The following ZNRF2 variants were observed in gnomAD, a reference collection of about 807,000 sequenced individuals.
ZNRF2 encodes E3 ubiquitin-protein ligase ZNRF2.
A neutral mutation model predicts 20.4 loss-of-function variants in ZNRF2; 16 were observed. That is an observed-to-expected ratio of 0.79 (90% CI 0.53 to 1.19). The LOEUF (loss-of-function observed/expected upper bound fraction) is 1.19. Ranked by LOEUF, ZNRF2 falls within the 50% of genes most tolerant of loss-of-function variation. The pLI is 0.00. For missense variants in ZNRF2, 363 were observed against 332.4 expected (o/e 1.09, Z -0.72); for synonymous variants, 178 against 144.9 (o/e 1.23, Z -1.64).
At chr7:30,343,370 C>CA (rs1230252318) in intron 2 of ZNRF2, among the ~76,000 whole-genome samples, 1 of 152,122 alleles carries the variant, frequency 6.6e-6, no homozygotes, top group Non-Finnish European at 1.5e-5. Flanking sequence ...TCCTAGATGA[C>CA]AGAGACCCTG....
In ZNRF2 at chr7:30,339,222, G is replaced by A. The variant is rs189013189; in HGVS notation, c.565+15485G>A. Among the ~76,000 whole-genome samples the A allele has an allele frequency of 7.2e-3, 1,102 of 152,270 alleles. 4 individuals are homozygous for A. Among genetic ancestry groups the A allele is most frequent in the Non-Finnish European group, 0.011 (734 of 68,012 alleles). On this transcript the variant is annotated intron_variant, in intron 2 of 4. Transcript: ENST00000323037. ...TTTTCTCCCATTCTATAGGTTGCCT[G>A]TTCACTCTGATGATAGTTTCTTTTG...
chr7:30,338,603 A>C (rs1407408597), intron 2 of ZNRF2, among the ~76,000 whole-genome samples: 7 of 152,062 alleles, frequency 4.6e-5, no homozygotes, highest in Non-Finnish European at 1.5e-5. Context: ...AAGGACATGA[A>C]GTCATCCTTT....
At chr7:30,325,879 C>T (rs1799543024) in intron 2 of ZNRF2, among the ~76,000 whole-genome samples, 2 of 152,160 alleles carry the variant, frequency 1.3e-5, no homozygotes, top group South Asian at 4.1e-4. Context: ...AAAGTGTTCT[C>T]ATTCAAAATT....
chr7:30,310,748 G>T (rs1799279270), intron 1 of ZNRF2, among the ~76,000 whole-genome samples: 1 of 152,146 alleles, frequency 6.6e-6, no homozygotes, highest in Admixed American at 6.5e-5. Context: ...ATACCTTGAG[G>T]ATGACCCTGT....
Position 30,285,529 on chromosome 7 carries a change from C to G in ZNRF2, c.172C>G (p.Gln58Glu). The change falls in exon 1 of 5, where the codon CAG becomes GAG. Residue 58 changes from glutamine to glutamate, a missense_variant. By Grantham distance (29) the Gln-to-Glu change is conservative (BLOSUM62 2). This residue lies in a region of ZNRF2 where 302 missense variants were observed against 231.5 expected (regional missense o/e 1.30). Transcript: ENST00000323037. The stretch of plus-strand genomic sequence containing the variant: ...CCCGGCTCAGGTGCCCAGCGCGCAC[C>G]AGCCCAGCGCCTCCGGCGGCGCCGC... ...RFPAQVPSAHQPSASGGAAAA... is the reference protein window; with the variant it reads ...RFPAQVPSAHEPSASGGAAAA... 1.0e-6 allele frequency: 1 copy of G among 994,916 alleles called. No homozygotes were observed. The highest frequency in any genetic ancestry group is 1.2e-6 in the Non-Finnish European group (1 of 838,592). 61.6% of individuals were successfully genotyped at this position (994,916 alleles called of 1,614,324 possible).
At chr7:30,287,905 C>T (rs1798822126) in intron 1 of ZNRF2, among the ~76,000 whole-genome samples, 1 of 152,154 alleles carries the variant, frequency 6.6e-6, no homozygotes, top group South Asian at 2.1e-4. Context: ...GATGAGGAAC[C>T]TCAGTTGAGA....
At chr7:30,304,029 G>A (rs1799159496) in intron 1 of ZNRF2, among the ~76,000 whole-genome samples, 1 of 152,250 alleles carries the variant, frequency 6.6e-6, no homozygotes, top group Non-Finnish European at 1.5e-5. Flanking sequence ...TGCCTGGGTA[G>A]TGGTGGTAAG....
chr7:30,285,332 C>T lies in ZNRF2; in HGVS notation c.-26C>T, dbSNP rs1468668990. The T allele has an allele frequency of 1.8e-6, 2 of 1,085,636 alleles. No individual in the cohort carries two copies. Among genetic ancestry groups the T allele is most frequent in the Admixed American group, 5.5e-5 (1 of 18,336 alleles). The allele number at this position is 1,085,636 out of a possible 1,614,324, so 67.3% of individuals were successfully genotyped here. A position where few individuals can be genotyped will look rare whatever the true frequency, so the allele number is the denominator to read the frequency against. The stretch of plus-strand genomic sequence containing the variant: ...CTCCCGGCTCTCGGGGCGCAGCGCG[C>T]GGGCCCGGCCCGGGGCAGGGCGGAC... On this transcript the variant is annotated 5_prime_UTR_variant, in exon 1 of 5. Coordinates refer to ENST00000323037, the MANE Select transcript of ZNRF2 (RefSeq NM_147128.4).
chr7:30,332,960 CT>C (rs1210487989), intron 2 of ZNRF2, among the ~76,000 whole-genome samples: 1 of 151,828 alleles, frequency 6.6e-6, no homozygotes, highest in Non-Finnish European at 1.5e-5. Flanking sequence ...CTTCATACTG[CT>C]TTCCACAGGG....
chr7:30,338,700 A>G (rs1799753887), intron 2 of ZNRF2, among the ~76,000 whole-genome samples: 1 of 151,990 alleles, frequency 6.6e-6, no homozygotes, highest in African/African-American at 2.4e-5. Flanking sequence ...GTTGGTTCCA[A>G]GTCTTTGCTA....
chr7:30,325,129 G>C (rs1229585022), intron 2 of ZNRF2, among the ~76,000 whole-genome samples: 1 of 151,864 alleles, frequency 6.6e-6, no homozygotes, highest in Non-Finnish European at 1.5e-5. Context: ...GAATAGACTT[G>C]GGGGGGAAAA....
intron 2 of ZNRF2, among the ~76,000 whole-genome samples, chr7:30,328,163 C>T (rs977528512): frequency 3.9e-5 from 6 of 152,126 alleles, no homozygotes; most frequent in Non-Finnish European, 7.3e-5. Context: ...ATGTCTGTCA[C>T]AGGTGATGAG....
intron 1 of ZNRF2, among the ~76,000 whole-genome samples, chr7:30,319,078 C>T (rs1799423680): frequency 6.6e-6 from 1 of 151,522 alleles, no homozygotes; most frequent in Non-Finnish European, 1.5e-5. Flanking sequence ...CGCCACTTCA[C>T]TCCAGCCTGG....
At chr7:30,336,566 A>G (rs1265654275) in intron 2 of ZNRF2, among the ~76,000 whole-genome samples, 2 of 152,168 alleles carry the variant, frequency 1.3e-5, no homozygotes, top group African/African-American at 2.4e-5. Flanking sequence ...AGCTTTAGTT[A>G]TCTGAGATTT....
chr7:30,312,096 C>A (rs1251363123), intron 1 of ZNRF2, among the ~76,000 whole-genome samples: 2 of 152,104 alleles, frequency 1.3e-5, no homozygotes, highest in African/African-American at 4.8e-5. Context: ...CCCACCTTAG[C>A]CTCTCGAGTA....
At chr7:30,314,788 A>AATAT (rs139581545) in intron 1 of ZNRF2, among the ~76,000 whole-genome samples, 27,600 of 147,968 alleles carry the variant, frequency 0.19, 2,588 homozygotes, top group East Asian at 0.28. Context: ...AAATATGGGA[A>AATAT]ATATATATAT....
intron 1 of ZNRF2, among the ~76,000 whole-genome samples, chr7:30,306,246 G>A (rs986203427): frequency 1.4e-4 from 22 of 151,962 alleles, no homozygotes; most frequent in African/African-American, 4.8e-4. Context: ...AGTAAGTAAA[G>A]CATTACATAA....
chr7:30,358,860 T>G (rs1800079859), intron 3 of ZNRF2, among the ~76,000 whole-genome samples: 1 of 152,202 alleles, frequency 6.6e-6, no homozygotes, highest in South Asian at 2.1e-4. Context: ...TCAAGTTGTT[T>G]TTTTCTCTCA....
At chr7:30,354,752 C>T (rs1167360026) in intron 2 of ZNRF2, among the ~76,000 whole-genome samples, 1 of 152,082 alleles carries the variant, frequency 6.6e-6, no homozygotes, top group Non-Finnish European at 1.5e-5. Flanking sequence ...ATTCATATTG[C>T]ATGTTCCTGC....
Sources: allele counts gnomAD v4.1 joint callset (sites outside exome capture counted in the v4.1 genomes callset), GRCh38; gene constraint gnomAD v4.1.1; regional missense constraint gnomAD v4.1.1; transcripts MANE v1.5; gene names NCBI Gene and HGNC (gene_info 2026-07-23, HGNC 2026-07-21).